The following RGS12 variants were observed in gnomAD, a reference collection of about 807,000 sequenced individuals.
RGS12 encodes regulator of G protein signaling 12, also known as regulator of G-protein signaling 12.
Under a neutral mutation model 120.1 loss-of-function variants are expected in RGS12, and 66 were observed. That is an observed-to-expected ratio of 0.55 (90% CI 0.45 to 0.67). RGS12 has a LOEUF of 0.67. Ranked by LOEUF, RGS12 falls within the 30% of genes least tolerant of loss-of-function variation. The probability of loss-of-function intolerance (pLI) is 0.00; values close to 1 mark genes in which losing one functional copy is unlikely to be tolerated. For missense variants in RGS12, 1,859 were observed against 1,957.7 expected, an observed-to-expected ratio of 0.95 and a Z score of 0.95; for synonymous variants, 827 against 804.7, an observed-to-expected ratio of 1.03 and a Z score of -0.47.
At chr4:3,426,882 G>T (rs1345596674) in intron 14 of RGS12, 1 of 152,206 alleles carries the variant, frequency 6.6e-6, no homozygotes, top group Non-Finnish European at 1.5e-5. Context: ...GATGTTCTAG[G>T]TAGAGAGCTC....
At chr4:3,397,301 A>G (rs1250849469) in intron 4 of RGS12, among the ~76,000 whole-genome samples, 1 of 152,222 alleles carries the variant, frequency 6.6e-6, no homozygotes, top group Non-Finnish European at 1.5e-5. Context: ...CTGCGATAGA[A>G]GAAGAAGGAG....
intron 16 of RGS12, 87 bp downstream of exon 16, chr4:3,428,798 G>A: frequency 8.5e-7 from 1 of 1,179,400 alleles, no homozygotes; most frequent in Non-Finnish European, 1.2e-6. Context: ...TGAGCTGTCA[G>A]CATCTGGGTG....
upstream of RGS12, among the ~76,000 whole-genome samples, chr4:3,289,360 G>A (rs1455118422): frequency 2.0e-5 from 3 of 151,818 alleles, no homozygotes; most frequent in African/African-American, 2.4e-5. Flanking sequence ...GCACCACCAC[G>A]CCCAGCTAAT....
At chr4:3,408,418 CA>C (rs1164164593) in intron 4 of RGS12, among the ~76,000 whole-genome samples, 3 of 152,200 alleles carry the variant, frequency 2.0e-5, no homozygotes, top group Non-Finnish European at 4.4e-5. Context: ...AAATGGTGCT[CA>C]GGGGGCTCTG....
At position 3,414,127 on chromosome 4, in the gene RGS12, T is replaced by A; in HGVS notation, c.2076T>A (p.Asn692Lys). ...DCVSNNSLSS[N>K]ASLPSVQSCR... ...TCAGCAACAACAGCCTGAGCAGCAATGCCAGCCTCCCCAGCGTGCAGAGCT... is the reference window on the plus strand; with the variant it reads ...TCAGCAACAACAGCCTGAGCAGCAAAGCCAGCCTCCCCAGCGTGCAGAGCT... Residue 692 changes from asparagine (N) to lysine (K), a missense_variant, in exon 5 of 18, where the codon AAT (asparagine) becomes AAA (lysine). Transcript: ENST00000336727. 6.4e-7 allele frequency: 1 copy of A among 1,571,946 alleles called. No homozygotes were observed.
chr4:3,342,245 C>G (rs377636520), intron 2 of RGS12, among the ~76,000 whole-genome samples: 20 of 152,260 alleles, frequency 1.3e-4, no homozygotes, highest in African/African-American at 4.8e-4. Context: ...GAAAGCAGAG[C>G]TCCCAACTGT....
chr4:3,291,438 C>T (rs1168699297), upstream of RGS12, among the ~76,000 whole-genome samples: 2 of 151,868 alleles, frequency 1.3e-5, no homozygotes, highest in African/African-American at 4.8e-5. Flanking sequence ...CCTCCGCCTC[C>T]GGGGCTCAAG....
chr4:3,299,528 G>C (rs909985540), intron 1 of RGS12, among the ~76,000 whole-genome samples: 1 of 152,166 alleles, frequency 6.6e-6, no homozygotes, highest in African/African-American at 2.4e-5. Flanking sequence ...GTTGGAACTT[G>C]ATTTAGCAGC....
At chr4:3,296,630 C>G (rs927452750) in intron 1 of RGS12, among the ~76,000 whole-genome samples, 5 of 152,348 alleles carry the variant, frequency 3.3e-5, no homozygotes, top group Admixed American at 2.6e-4. Context: ...TTGGGGATCG[C>G]TATTCAGCCT....
In RGS12 at chr4:3,294,201, C is replaced by T. The variant is rs530142207; in HGVS notation, c.-102+1102C>T. ...GTGGTCCATGCCGTCCTGTGCAGGG[C>T]CCTTCTGAGGCCACAGGGACGTGCA... On this transcript the variant is annotated intron_variant, in intron 1 of 17. Transcript: ENST00000336727. Among the ~76,000 whole-genome samples, 30 of 152,356 alleles carry T rather than the reference C, an allele frequency of 2.0e-4. No individual in the cohort carries two copies. The East Asian group carries it at 4.6e-3, about 24-fold the overall frequency.
intron 17 of RGS12, 55 bp from the exon 18 acceptor site, chr4:3,439,400 C>A: frequency 6.3e-7 from 1 of 1,589,020 alleles, no homozygotes; most frequent in South Asian, 1.1e-5. Context: ...GGGGTGGGTT[C>A]CGGGGGCCCA....
chr4:3,320,211 C>G (rs940884284), intron 2 of RGS12, among the ~76,000 whole-genome samples: 1 of 152,182 alleles, frequency 6.6e-6, no homozygotes, highest in Non-Finnish European at 1.5e-5. Flanking sequence ...TGGTCCTCAG[C>G]GGACCTGAGA....
chr4:3,379,048 T>G (rs1481016286), intron 3 of RGS12, among the ~76,000 whole-genome samples: 2 of 138,632 alleles, frequency 1.4e-5, no homozygotes, highest in Non-Finnish European at 3.2e-5. Context: ...TGTGTGTGTT[T>G]AGAGAGAGAA....
intron 6 of RGS12, among the ~76,000 whole-genome samples, 172 bp from the exon 7 acceptor site, chr4:3,415,806 G>A (rs965369665): frequency 6.6e-6 from 1 of 152,212 alleles, no homozygotes; most frequent in Non-Finnish European, 1.5e-5. Flanking sequence ...AGAGGAGCCC[G>A]CGCAGTGCTG....
At chr4:3,375,372 T>C (rs865937975) in intron 3 of RGS12, among the ~76,000 whole-genome samples, 9 of 80,148 alleles carry the variant, frequency 1.1e-4, no homozygotes, top group African/African-American at 2.1e-4. Flanking sequence ...GCCCTCATCT[T>C]CAGCCCTCAT....
intron 3 of RGS12, chr4:3,370,397 G>T (rs538046744): frequency 5.0e-6 from 7 of 1,405,972 alleles, no homozygotes; most frequent in Non-Finnish European, 7.1e-6. Flanking sequence ...CTGTTTTAGC[G>T]AGTGGCAGCT....
At chr4:3,355,545 AG>A (rs1714792081) in intron 3 of RGS12, among the ~76,000 whole-genome samples, 1 of 152,226 alleles carries the variant, frequency 6.6e-6, no homozygotes, top group Non-Finnish European at 1.5e-5. Flanking sequence ...CTGTAATCCC[AG>A]CACTCTGGGA....
intron 1 of RGS12, among the ~76,000 whole-genome samples, chr4:3,307,723 G>A (rs79740589): frequency 0.022 from 3,274 of 152,272 alleles, 94 homozygotes; most frequent in African/African-American, 0.07. Context: ...TGGAGAGAGC[G>A]CTCCCCACTG....
At chr4:3,430,310 GA>G in intron 16 of RGS12, 96 bp from the exon 17 acceptor site, 1 of 1,127,836 alleles carries the variant, frequency 8.9e-7, no homozygotes, top group Non-Finnish European at 1.3e-6. Context: ...AGGGTGTTAG[GA>G]CAGCCCAGGA....
Sources: gnomAD v4.1 joint callset for allele counts (sites outside exome capture counted in the v4.1 genomes callset) on GRCh38, gnomAD v4.1.1 for gene constraint, MANE v1.5 for transcripts, NCBI Gene and HGNC (gene_info 2026-07-23, HGNC 2026-07-21) for gene names.